The following KIF26B variants were observed in gnomAD, a reference collection of about 807,000 sequenced individuals.
The protein encoded by KIF26B is kinesin family member 26B.
KIF26B carries 63 observed loss-of-function variants against 151.2 expected under a neutral mutation model. The observed-to-expected ratio is 0.42, with a 90% CI of 0.34 to 0.51. The LOEUF (loss-of-function observed/expected upper bound fraction) is 0.51, where lower values mean the gene tolerates loss of function less well. Ranked by LOEUF, KIF26B falls within the 20% of genes least tolerant of loss-of-function variation. KIF26B has a pLI of 0.07. For missense variants in KIF26B, 2,813 were observed against 2,913.6 expected, an observed-to-expected ratio of 0.97 and a Z score of 0.79; for synonymous variants, 1,357 against 1,262.1, an observed-to-expected ratio of 1.08 and a Z score of -1.59.
intron 4 of KIF26B, among the ~76,000 whole-genome samples, chr1:245,459,164 A>G (rs1376830519): frequency 6.6e-6 from 1 of 152,206 alleles, no homozygotes; most frequent in Non-Finnish European, 1.5e-5. Flanking sequence ...CTCTTTGTGC[A>G]CATATCACAG....
chr1:245,387,753 T>C (rs1278186776), intron 3 of KIF26B, among the ~76,000 whole-genome samples: 1 of 152,120 alleles, frequency 6.6e-6, no homozygotes, highest in African/African-American at 2.4e-5. Context: ...ATATGCATGA[T>C]ACCAGCAGCA....
At chr1:245,674,982 T>C (rs930393770) in intron 10 of KIF26B, among the ~76,000 whole-genome samples, 1 of 152,138 alleles carries the variant, frequency 6.6e-6, no homozygotes, top group Non-Finnish European at 1.5e-5. Context: ...TTTGGAGGGT[T>C]CCCAAAACGA....
chr1:245,588,864 T>C (rs1323002142), intron 5 of KIF26B, among the ~76,000 whole-genome samples: 1 of 152,104 alleles, frequency 6.6e-6, no homozygotes, highest in Admixed American at 6.6e-5. Context: ...GGGGAAAGAA[T>C]TGGGGTAACT....
chr1:245,394,815 C>T (rs550792403), intron 3 of KIF26B, among the ~76,000 whole-genome samples: 18 of 151,626 alleles, frequency 1.2e-4, no homozygotes, highest in Admixed American at 9.2e-4. Context: ...CTCAGCCTCC[C>T]GAGTAGCTGA....
chr1:245,462,352 C>T (rs1206671400), intron 4 of KIF26B, among the ~76,000 whole-genome samples: 3 of 152,100 alleles, frequency 2.0e-5, no homozygotes, highest in Admixed American at 6.6e-5. Context: ...CATATGCACG[C>T]GTAGTGTTTG....
chr1:245,334,021 C>T (rs901424453), intron 2 of KIF26B, among the ~76,000 whole-genome samples: 4 of 151,804 alleles, frequency 2.6e-5, no homozygotes, highest in African/African-American at 9.7e-5. Context: ...ATCTCCTCTA[C>T]GAGTGGATGT....
chr1:245,519,553 CAA>C (rs35436009), intron 4 of KIF26B, among the ~76,000 whole-genome samples: 35 of 142,740 alleles, frequency 2.5e-4, no homozygotes, highest in Admixed American at 6.9e-4. Context: ...AACCCCATCT[CAA>C]AAAAAAAAAA....
intron 9 of KIF26B, among the ~76,000 whole-genome samples, chr1:245,628,164 C>T (rs1338361463): frequency 2.0e-5 from 3 of 152,148 alleles, no homozygotes; most frequent in African/African-American, 4.8e-5. Context: ...CAAAACCTGG[C>T]AGAGACACAA....
chr1:245,391,671 A>G (rs2103022689), intron 3 of KIF26B, among the ~76,000 whole-genome samples: 1 of 151,944 alleles, frequency 6.6e-6, no homozygotes, highest in Non-Finnish European at 1.5e-5. Context: ...AAAAAAAAAA[A>G]AAGAGAGAGA....
At chr1:245,458,453 C>T (rs1195734812) in intron 4 of KIF26B, among the ~76,000 whole-genome samples, 2 of 152,154 alleles carry the variant, frequency 1.3e-5, no homozygotes, top group African/African-American at 4.8e-5. Flanking sequence ...GACTAAATTC[C>T]AGGCTCTAGA....
intron 4 of KIF26B, among the ~76,000 whole-genome samples, chr1:245,494,275 C>T (rs1369576058): frequency 6.6e-6 from 1 of 151,644 alleles, no homozygotes; most frequent in African/African-American, 2.4e-5. Context: ...CATTGCACTC[C>T]ACCCTGGGCA....
chr1:245,453,711 A>G (rs114758397), intron 4 of KIF26B, among the ~76,000 whole-genome samples: 1,845 of 152,236 alleles, frequency 0.012, 11 homozygotes, highest in Middle Eastern at 0.061. Context: ...CTTGTCTGTT[A>G]TCAGGATTAC....
intron 2 of KIF26B, among the ~76,000 whole-genome samples, chr1:245,193,498 C>T (rs1193532299): frequency 6.6e-6 from 1 of 150,970 alleles, no homozygotes; most frequent in Non-Finnish European, 1.5e-5. Context: ...AAAGCTTAGG[C>T]TTTCCTTTTT....
At position 245,209,751 on chromosome 1, in the gene KIF26B, G is replaced by A. The variant is rs60830372; in HGVS notation, c.465+53068G>A. Among the ~76,000 whole-genome samples the A allele has an allele frequency of 8.2e-3, 1,251 of 152,334 alleles. 84 individuals are homozygous for A. In the East Asian group the frequency reaches 0.18, roughly 22 times the overall value. ...GCTTTGACTTGAGCATTTGGTATGT[G>A]CAAGGAAGTGACTGGAGATCAAAAG... On this transcript the variant is annotated intron_variant, in intron 2 of 14. Transcript: ENST00000407071.
chr1:245,394,688 C>G (rs112070607), intron 3 of KIF26B, among the ~76,000 whole-genome samples: 1 of 123,178 alleles, frequency 8.1e-6, no homozygotes. Flanking sequence ...TTTTTTCTTT[C>G]TTTTTTTTTT....
At chr1:245,414,505 G>A (rs1674370662) in intron 3 of KIF26B, among the ~76,000 whole-genome samples, 1 of 152,160 alleles carries the variant, frequency 6.6e-6, no homozygotes, top group African/African-American at 2.4e-5. Flanking sequence ...TGGGCCCAGG[G>A]CCTCTTTCCT....
intron 12 of KIF26B, among the ~76,000 whole-genome samples, chr1:245,692,455 C>T (rs367896158): frequency 1.7e-4 from 26 of 152,232 alleles, no homozygotes; most frequent in African/African-American, 6.3e-4. Flanking sequence ...AGGGTGCTTA[C>T]ATCGGGACAG....
rs866434113 is a variant in KIF26B at position 245,307,745 on chromosome 1, T to C, written c.466-59089T>C. On this transcript the variant is annotated intron_variant, in intron 2 of 14. Transcript: ENST00000407071. ...TCTACCAGGAATCTCTCTCTCTCTT[T>C]TTTTTTTTTTTTTGAGACGGAGTCT... is the stretch of plus-strand genomic sequence containing the variant. 2.9e-4 allele frequency among the ~76,000 whole-genome samples: 30 copies of C among 104,426 alleles called. No homozygotes were observed. In the East Asian group the frequency reaches 0.011, roughly 37 times the overall value. The allele number at this position is 104,426 out of a possible 152,430, so 68.5% of individuals were successfully genotyped here.
chr1:245,345,719 G>A (rs983882355), intron 2 of KIF26B, among the ~76,000 whole-genome samples: 15 of 151,996 alleles, frequency 9.9e-5, no homozygotes, highest in African/African-American at 3.4e-4. Flanking sequence ...GTTTACAAGT[G>A]TGTGGCGCCT....
Sources: allele counts gnomAD v4.1 joint callset (sites outside exome capture counted in the v4.1 genomes callset), GRCh38; gene constraint gnomAD v4.1.1; transcripts MANE v1.5; gene names NCBI Gene and HGNC (gene_info 2026-07-23, HGNC 2026-07-21).